Variants in FGD5 observed in about 807,000 individuals in gnomAD.
FGD5 encodes the protein FYVE, RhoGEF and PH domain containing 5.
FGD5 carries 28 observed loss-of-function variants against 133.4 expected under a neutral mutation model. The observed-to-expected ratio is 0.21, with a 90% CI of 0.16 to 0.29. The LOEUF is 0.29. FGD5 is among the 10% of genes least tolerant of loss of function. The pLI is 1.00. For missense variants in FGD5, 1,858 were observed against 1,895.2 expected, an observed-to-expected ratio of 0.98 and a Z score of 0.36; for synonymous variants, 810 against 776.5, an observed-to-expected ratio of 1.04 and a Z score of -0.72.
intron 16 of FGD5, chr3:14,923,496 C>T: frequency 2.8e-6 from 1 of 363,106 alleles, no homozygotes; most frequent in South Asian, 3.6e-5. Context: ...TAGGCCTGTG[C>T]CTGTAGCGCC....
In FGD5 at chr3:14,917,132, G is replaced by A. The variant is rs988334179; in HGVS notation, c.3406-117G>A. 2 of 838,552 alleles carry A rather than the reference G, an allele frequency of 2.4e-6. No homozygotes were observed. Among genetic ancestry groups the A allele is most frequent in the African/African-American group, 1.7e-5 (1 of 57,714 alleles). The allele number at this position is 838,552 out of a possible 1,614,324, so 51.9% of individuals were successfully genotyped here. A position where few individuals can be genotyped will look rare whatever the true frequency, so the allele number is the denominator to read the frequency against. Reference sequence around the variant, plus strand: ...CGCAACGTTTTTGCTCACCTGTGGGGGTTACTGAGGAATACAAGATGCCTG... The same window carrying A: ...CGCAACGTTTTTGCTCACCTGTGGGAGTTACTGAGGAATACAAGATGCCTG... On this transcript the variant is annotated intron_variant, in intron 11 of 19. Transcript: ENST00000285046. This position sits in a 1 kb window ranked among gnomAD's most constrained non-coding sequence, Gnocchi z 4.1.
intron 12 of FGD5, among the ~76,000 whole-genome samples, chr3:14,918,035 A>G (rs1001945264): frequency 2.0e-5 from 3 of 152,232 alleles, no homozygotes; most frequent in East Asian, 1.9e-4. Flanking sequence ...TGTTTATTCA[A>G]TCCTCTGCCG....
chr3:14,892,607 C>A (rs1162933151), intron 4 of FGD5, among the ~76,000 whole-genome samples: 1 of 152,148 alleles, frequency 6.6e-6, no homozygotes, highest in African/African-American at 2.4e-5. Context: ...CACCTGAGGT[C>A]AGGAGTTTGA....
chr3:14,827,329 C>A (rs1429815344), intron 1 of FGD5, among the ~76,000 whole-genome samples: 11 of 142,964 alleles, frequency 7.7e-5, no homozygotes, highest in Non-Finnish European at 1.3e-4. Context: ...CGCTCTGTTG[C>A]CCAGGCTGGA....
intron 1 of FGD5, among the ~76,000 whole-genome samples, chr3:14,822,832 C>CT (rs946405335): frequency 6.6e-6 from 1 of 152,238 alleles, no homozygotes; most frequent in East Asian, 1.9e-4. Context: ...CTAGGAATTC[C>CT]TAGGGGACCC....
chr3:14,895,860 G>A (rs1275543676), intron 4 of FGD5, among the ~76,000 whole-genome samples: 2 of 151,906 alleles, frequency 1.3e-5, no homozygotes, highest in South Asian at 2.1e-4. Flanking sequence ...TATAAAAGCC[G>A]ACAAGATGTT....
Position 14,820,015 on chromosome 3 carries a change from A to T in FGD5, c.944A>T (p.His315Leu). 6.2e-7 allele frequency: 1 copy of T among 1,614,020 alleles called. No homozygotes were observed. The highest frequency in any genetic ancestry group is 1.3e-5 in the African/African-American group (1 of 75,064). ...QEVAAATLED[H>L]AQDESAEESC... ...GTGGCAGCCGCCACCCTGGAGGACC[A>T]TGCACAGGATGAGTCCGCCGAGGAG... The change falls in exon 1 of 20, where the codon CAT becomes CTT. Residue 315 changes from histidine to leucine, a missense_variant. Coordinates refer to ENST00000285046, the MANE Select transcript of FGD5 (RefSeq NM_152536.4).
intron 4 of FGD5, among the ~76,000 whole-genome samples, chr3:14,896,643 G>C (rs60103510): frequency 0.016 from 2,492 of 152,136 alleles, 66 homozygotes; most frequent in African/African-American, 0.056. Flanking sequence ...GCTAATTTTT[G>C]TATTTTTAGT....
intron 1 of FGD5, among the ~76,000 whole-genome samples, chr3:14,813,185 A>G (rs150709137): frequency 1.3e-3 from 191 of 152,116 alleles, no homozygotes; most frequent in African/African-American, 4.2e-3. Flanking sequence ...CGGCCCTATG[A>G]AAAAAAAGGG....
intron 1 of FGD5, among the ~76,000 whole-genome samples, chr3:14,854,428 T>TTGATTG (rs1553625429): frequency 0.036 from 2,322 of 64,718 alleles, 31 homozygotes; most frequent in Non-Finnish European, 0.056. Flanking sequence ...TTTATTTATT[T>TTGATTG]ATTTATTGAG....
chr3:14,878,433 C>G (rs771752316), intron 2 of FGD5, among the ~76,000 whole-genome samples: 1 of 151,832 alleles, frequency 6.6e-6, no homozygotes, highest in Admixed American at 6.6e-5. Context: ...TTTTTTTCTT[C>G]TTCTATCCCT....
chr3:14,907,016 G>A (rs558897078), intron 9 of FGD5, among the ~76,000 whole-genome samples: 1 of 152,290 alleles, frequency 6.6e-6, no homozygotes, highest in South Asian at 2.1e-4. Context: ...ATAATGGAAA[G>A]GACTTTTCAG....
intron 5 of FGD5, 54 bp from the exon 6 acceptor site, chr3:14,897,885 T>G (rs2038166712): frequency 6.2e-7 from 1 of 1,606,760 alleles, no homozygotes; most frequent in African/African-American, 1.3e-5. Flanking sequence ...CTTCTAACCC[T>G]GCGTTGGTTA....
chr3:14,899,758 G>T (rs2038202367), intron 7 of FGD5, among the ~76,000 whole-genome samples: 1 of 152,158 alleles, frequency 6.6e-6, no homozygotes, highest in Non-Finnish European at 1.5e-5. Flanking sequence ...GAACTCTTAA[G>T]AAAAATAAAG....
Position 14,869,171 on chromosome 3 carries a change from G to A in FGD5, c.2658+4911G>A, listed in dbSNP as rs568134142. Among the ~76,000 whole-genome samples the A allele has an allele frequency of 4.6e-5, 7 of 152,178 alleles. No individual in the cohort carries two copies. The South Asian group carries it at 1.3e-3, about 27-fold the overall frequency. ...TATCTGGGTGTGGTGGCACGTGCCT[G>A]TAGTCCCAGCTACTTTGGAGGCTAA... On this transcript the variant is annotated intron_variant, in intron 2 of 19. Transcript: ENST00000285046.
At chr3:14,914,130 C>T (rs1417917472) in intron 11 of FGD5, among the ~76,000 whole-genome samples, 1 of 152,232 alleles carries the variant, frequency 6.6e-6, no homozygotes, top group Non-Finnish European at 1.5e-5. Flanking sequence ...TGGAGGGATA[C>T]ATGGGAGGAG....
chr3:14,906,216 C>T (rs1678047962), intron 9 of FGD5, among the ~76,000 whole-genome samples: 1 of 152,206 alleles, frequency 6.6e-6, no homozygotes, highest in South Asian at 2.1e-4. Context: ...TTACTCAGTG[C>T]TGGACTTATG....
At chr3:14,866,100 G>A (rs917196473) in intron 2 of FGD5, among the ~76,000 whole-genome samples, 8 of 152,028 alleles carry the variant, frequency 5.3e-5, no homozygotes, top group East Asian at 1.9e-4. Context: ...GTCCCCACCC[G>A]CCTTGTGATG....
upstream of FGD5, chr3:14,818,920 G>T: frequency 7.0e-7 from 1 of 1,431,726 alleles, no homozygotes. Flanking sequence ...AAAGTTAATT[G>T]TACTTTTTCT....
Sources: allele counts gnomAD v4.1 joint callset (sites outside exome capture counted in the v4.1 genomes callset), GRCh38; gene constraint gnomAD v4.1.1; non-coding constraint Gnocchi (gnomAD v3.1); transcripts MANE v1.5; gene names NCBI Gene and HGNC (gene_info 2026-07-23, HGNC 2026-07-21).